ROBO2: variants seen among roughly 807,000 people sequenced by gnomAD.
ROBO2 encodes roundabout guidance receptor 2, also known as roundabout homolog 2.
A neutral mutation model predicts 160.8 loss-of-function variants in ROBO2; 53 were observed. That is an observed-to-expected ratio of 0.33 (90% CI 0.26 to 0.41). The LOEUF (loss-of-function observed/expected upper bound fraction) is 0.41. Ranked by LOEUF, ROBO2 falls within the 10% of genes least tolerant of loss-of-function variation. ROBO2 has a pLI of 1.00. For synonymous variants in ROBO2, 664 were observed against 611.7 expected (o/e 1.09, Z -1.26); for missense variants, 1,577 against 1,722.4 (o/e 0.92, Z 1.49).
At chr3:76,286,659 A>G (rs1708520199) in intron 2 of ROBO2, among the ~76,000 whole-genome samples, 1 of 152,152 alleles carries the variant, frequency 6.6e-6, no homozygotes, top group South Asian at 2.1e-4. Flanking sequence ...AAGTATTTAC[A>G]GTGAGGACTA....
chr3:77,235,387 C>T (rs1209364006), intron 2 of ROBO2, among the ~76,000 whole-genome samples: 1 of 149,356 alleles, frequency 6.7e-6, no homozygotes, highest in African/African-American at 2.5e-5. Flanking sequence ...GAGTTTCGCT[C>T]TGTCGCCCAG....
intron 1 of ROBO2, among the ~76,000 whole-genome samples, chr3:77,085,159 A>G (rs966148608): frequency 1.3e-5 from 2 of 152,148 alleles, no homozygotes; most frequent in Non-Finnish European, 2.9e-5. Flanking sequence ...ATCTAAATGT[A>G]ACCACTTTGC....
intron 2 of ROBO2, among the ~76,000 whole-genome samples, chr3:76,227,430 T>C (rs2107451979): frequency 6.6e-6 from 1 of 152,326 alleles, no homozygotes; most frequent in African/African-American, 2.4e-5. Flanking sequence ...TAATTTTGAT[T>C]ATGACTCTAC....
At position 77,162,614 on chromosome 3, in the gene ROBO2, A is replaced by T. The variant is rs183907599; in HGVS notation, c.388+64274A>T. Among the ~76,000 whole-genome samples the T allele has an allele frequency of 2.0e-4, 30 of 152,288 alleles. No homozygotes were observed. The East Asian group carries it at 5.8e-3, about 30-fold the overall frequency. Reference sequence around the variant, plus strand: ...CTGCCTCTGTGTCACTCTCTCCCTGATTAAAAGTGATATGGCTAAGGACAT... The same window carrying T: ...CTGCCTCTGTGTCACTCTCTCCCTGTTTAAAAGTGATATGGCTAAGGACAT... On this transcript the variant is annotated intron_variant, in intron 2 of 25. Transcript: ENST00000461745.
intron 7 of ROBO2, among the ~76,000 whole-genome samples, chr3:77,546,928 A>G (rs2092719238): frequency 6.6e-6 from 1 of 152,052 alleles, no homozygotes; most frequent in Admixed American, 6.6e-5. Context: ...GACTTTTCTT[A>G]CCCTTAATTA....
At chr3:77,139,785 G>A (rs969053735) in intron 2 of ROBO2, among the ~76,000 whole-genome samples, 6 of 152,148 alleles carry the variant, frequency 3.9e-5, no homozygotes, top group African/African-American at 9.7e-5. Context: ...GACAGCAGCC[G>A]CAGTAGCAGC....
intron 2 of ROBO2, among the ~76,000 whole-genome samples, chr3:76,336,310 G>T (rs1413610075): frequency 1.3e-5 from 2 of 152,168 alleles, no homozygotes; most frequent in Non-Finnish European, 2.9e-5. Context: ...TTTTCTATAA[G>T]ACTTAGTCAT....
At chr3:75,917,241 A>G (rs1308205024) in intron 1 of ROBO2, among the ~76,000 whole-genome samples, 1 of 151,702 alleles carries the variant, frequency 6.6e-6, no homozygotes, top group Non-Finnish European at 1.5e-5. Flanking sequence ...CCCTGTGTCC[A>G]CGTGTTCTCA....
chr3:77,583,152 C>CAAAAA (rs56827523), intron 16 of ROBO2, among the ~76,000 whole-genome samples: 2 of 53,732 alleles, frequency 3.7e-5, no homozygotes, highest in African/African-American at 9.3e-5. Flanking sequence ...TCTGTCTCTC[C>CAAAAA]AAAAAAAAAA....
chr3:76,078,758 A>G (rs973299868), intron 2 of ROBO2, among the ~76,000 whole-genome samples: 5 of 152,150 alleles, frequency 3.3e-5, no homozygotes, highest in African/African-American at 4.8e-5. Flanking sequence ...AAAGCTTGCC[A>G]TATGTAATTG....
intron 2 of ROBO2, among the ~76,000 whole-genome samples, chr3:76,872,937 T>C (rs764690282): frequency 6.6e-6 from 1 of 152,110 alleles, no homozygotes; most frequent in Non-Finnish European, 1.5e-5. Flanking sequence ...ATCTTAAATG[T>C]ATTTAGATAC....
intron 21 of ROBO2, among the ~76,000 whole-genome samples, chr3:77,613,777 C>T (rs2094704028): frequency 6.6e-6 from 1 of 152,010 alleles, no homozygotes; most frequent in Non-Finnish European, 1.5e-5. Context: ...GTATTATAAA[C>T]ATGTGAAAAG....
chr3:77,061,131 A>C lies in ROBO2; in HGVS notation c.61+20285A>C, dbSNP rs1205119065. ...TTTAATTTTATAAATTTGTTTAGTA[A>C]TATCATCCCAAAATATCACATACAC... On this transcript the variant is annotated intron_variant, in intron 1 of 25. Transcript: ENST00000461745. Among the ~76,000 whole-genome samples the C allele has an allele frequency of 2.6e-5, 4 of 152,084 alleles. No individual in the cohort carries two copies. The East Asian group carries it at 7.7e-4, about 29-fold the overall frequency.
At chr3:77,441,862 T>G (rs2079950438) in intron 2 of ROBO2, among the ~76,000 whole-genome samples, 1 of 152,182 alleles carries the variant, frequency 6.6e-6, no homozygotes, top group Non-Finnish European at 1.5e-5. Flanking sequence ...TTTACAATGG[T>G]CATTTTTTGC....
intron 2 of ROBO2, among the ~76,000 whole-genome samples, chr3:77,275,110 C>T (rs930521582): frequency 4.6e-5 from 7 of 151,992 alleles, no homozygotes; most frequent in African/African-American, 9.7e-5. Context: ...TTATTTGACA[C>T]ATGAAAATAT....
At chr3:77,603,874 C>G (rs1345144025) in intron 20 of ROBO2, 1 of 152,010 alleles carries the variant, frequency 6.6e-6, no homozygotes, top group African/African-American at 2.4e-5. Flanking sequence ...ATTCCATGAC[C>G]CCACTTGTTT....
At chr3:76,766,160 C>T (rs9821441) in intron 2 of ROBO2, among the ~76,000 whole-genome samples, 2,945 of 151,716 alleles carry the variant, frequency 0.019, 93 homozygotes, top group African/African-American at 0.066. Flanking sequence ...GCAACACAAG[C>T]ACTTGAACCC....
chr3:77,157,322 G>T (rs1394892528), intron 2 of ROBO2, among the ~76,000 whole-genome samples: 1 of 131,988 alleles, frequency 7.6e-6, no homozygotes, highest in East Asian at 2.0e-4. Flanking sequence ...TAATTGAAAG[G>T]TTAAAATATC....
At chr3:76,337,564 C>T (rs2073971937) in intron 2 of ROBO2, among the ~76,000 whole-genome samples, 1 of 152,020 alleles carries the variant, frequency 6.6e-6, no homozygotes. Context: ...GGAAAAGCCT[C>T]AACACATATC....
Sources: gnomAD v4.1 joint callset for allele counts (sites outside exome capture counted in the v4.1 genomes callset) on GRCh38, gnomAD v4.1.1 for gene constraint, MANE v1.5 for transcripts, NCBI Gene and HGNC (gene_info 2026-07-23, HGNC 2026-07-21) for gene names.